The following GPRIN3 variants were observed in gnomAD, a reference collection of about 807,000 sequenced individuals.
The protein encoded by GPRIN3 is G protein-regulated inducer of neurite outgrowth 3.
A neutral mutation model predicts 13.7 loss-of-function variants in GPRIN3; 12 were observed. The ratio of observed to expected loss-of-function variants is 0.87; its 90% CI spans 0.56 to 1.42. GPRIN3 has a LOEUF of 1.42. Ranked by LOEUF, GPRIN3 falls within the 40% of genes most tolerant of loss-of-function variation. The pLI, the probability that GPRIN3 is intolerant of heterozygous loss-of-function variation, is 0.00. For synonymous variants in GPRIN3, 377 were observed against 372.7 expected (o/e 1.01, Z -0.13); for missense variants, 1,009 against 958.7 (o/e 1.05, Z -0.69).
intron 1 of GPRIN3, among the ~76,000 whole-genome samples, chr4:89,251,426 T>C (rs972164654): frequency 2.0e-5 from 3 of 152,198 alleles, no homozygotes; most frequent in African/African-American, 7.2e-5. Flanking sequence ...TTTAAAACTA[T>C]AAATACACAT....
intron 1 of GPRIN3, among the ~76,000 whole-genome samples, chr4:89,305,686 G>A (rs928120523): frequency 6.6e-6 from 1 of 152,202 alleles, no homozygotes; most frequent in Non-Finnish European, 1.5e-5. Flanking sequence ...GTGAAGGATA[G>A]CTGGATCTAA....
intron 1 of GPRIN3, among the ~76,000 whole-genome samples, chr4:89,303,407 A>G (rs533830581): frequency 6.6e-6 from 1 of 152,362 alleles, no homozygotes; most frequent in East Asian, 1.9e-4. Context: ...TTCAACAGTA[A>G]CATTCAACTG....
At position 89,241,720 on chromosome 4, in the gene GPRIN3, G is replaced by C. The variant is rs188944502; in HGVS notation, c.*6060C>G. On this transcript the variant is annotated 3_prime_UTR_variant, in exon 2 of 2. Coordinates refer to ENST00000609438, the MANE Select transcript of GPRIN3 (RefSeq NM_198281.3). ...GAAAACATTAGGAAAAATAAGTTAC[G>C]TAAAGATGTGATCTAAAATAAATGT... 6.6e-6 allele frequency: 1 copy of C among 152,050 alleles called. No individual in the cohort carries two copies. Among genetic ancestry groups the C allele is most frequent in the Non-Finnish European group, 1.5e-5 (1 of 67,996 alleles). 9.4% of individuals were successfully genotyped at this position (152,050 alleles called of 1,614,324 possible).
chr4:89,251,363 T>C (rs1222345578), intron 1 of GPRIN3, among the ~76,000 whole-genome samples: 2 of 152,204 alleles, frequency 1.3e-5, no homozygotes, highest in Non-Finnish European at 2.9e-5. Context: ...TTATTAATTG[T>C]AGGTGCAAAT....
At chr4:89,254,943 T>C (rs542801003) in intron 1 of GPRIN3, among the ~76,000 whole-genome samples, 30 of 152,190 alleles carry the variant, frequency 2.0e-4, no homozygotes, top group Non-Finnish European at 3.5e-4. Context: ...CATTTCCACA[T>C]GGCAACCACT....
At chr4:89,300,955 C>T (rs79094149) in intron 1 of GPRIN3, among the ~76,000 whole-genome samples, 3 of 151,828 alleles carry the variant, frequency 2.0e-5, no homozygotes, top group Admixed American at 2.0e-4. Flanking sequence ...TCATTTTTAC[C>T]TGCATTTTTC....
In GPRIN3 at chr4:89,248,198, A is replaced by T; in HGVS notation, c.1913T>A (p.Val638Asp). The T allele has an allele frequency of 6.8e-6, 11 of 1,614,164 alleles. No homozygotes were observed. Among genetic ancestry groups the T allele is most frequent in the Non-Finnish European group, 9.3e-6 (11 of 1,180,020 alleles). ...CTTTTGCTCCTTGAGGAACTCGCTG[A>T]CGCGGCTGGGCCTGCGTGGGCTGGC... ...VKASPRRPSR[V>D]SEFLKEQKLN... Residue 638 changes from valine to aspartate, a missense_variant, in exon 2 of 2, where the codon GTC becomes GAC. Physicochemically the swap from Val to Asp is radical, Grantham distance 152 (BLOSUM62 -3). Coordinates refer to ENST00000609438, the MANE Select transcript of GPRIN3 (RefSeq NM_198281.3).
At position 89,247,631 on chromosome 4, in the gene GPRIN3, A is replaced by G. The variant is rs1723139346; in HGVS notation, c.*149T>C. On this transcript the variant is annotated 3_prime_UTR_variant, in exon 2 of 2. Transcript: ENST00000609438. Reference sequence around the variant, plus strand: ...TTTTGTTTATAGAGCTCCAGGTCAAAGGATCTAACAATTTTTAATAGCAAT... The same window carrying G: ...TTTTGTTTATAGAGCTCCAGGTCAAGGGATCTAACAATTTTTAATAGCAAT... 1.5e-6 allele frequency: 1 copy of G among 669,684 alleles called. No homozygotes were observed. Among genetic ancestry groups the G allele is most frequent in the Non-Finnish European group, 2.4e-6 (1 of 414,764 alleles). 41.5% of individuals were successfully genotyped at this position (669,684 alleles called of 1,614,324 possible).
rs770451235 is a variant in GPRIN3 at position 89,248,510 on chromosome 4, T to C, written c.1601A>G (p.Asp534Gly). Residue 534 changes from aspartate to glycine, a missense_variant, in exon 2 of 2, where the codon GAT becomes GGT. Physicochemically the swap from Asp to Gly is moderately conservative, Grantham distance 94 (BLOSUM62 -1). Coordinates refer to ENST00000609438, the MANE Select transcript of GPRIN3 (RefSeq NM_198281.3). The part of the protein sequence containing the change: ...SGSLDPTNKG[D>G]AREKKPASPQ... The stretch of plus-strand genomic sequence containing the variant: ...AGATGCAGGCTTCTTTTCCCTTGCA[T>C]CTCCTTTATTAGTGGGATCCAAGCT... 6.8e-6 allele frequency: 11 copies of C among 1,613,008 alleles called. No individual in the cohort carries two copies. Among genetic ancestry groups the C allele is most frequent in the Non-Finnish European group, 9.3e-6 (11 of 1,179,476 alleles).
Position 89,249,069 on chromosome 4 carries a change from G to T in GPRIN3, c.1042C>A (p.Arg348Ser), listed in dbSNP as rs770745079. 7 of 1,614,164 alleles carry T rather than the reference G, an allele frequency of 4.3e-6. No individual in the cohort carries two copies. In the South Asian group the frequency reaches 7.7e-5, roughly 18 times the overall value. ...SILTAFLKES[R>S]APEHFEQEQL... Reference sequence around the variant, plus strand: ...TCTTGTTCAAAATGCTCAGGAGCACGGCTTTCCTTCAGAAATGCAGTGAGG... The same window carrying T: ...TCTTGTTCAAAATGCTCAGGAGCACTGCTTTCCTTCAGAAATGCAGTGAGG... Residue 348 changes from arginine (R) to serine (S), a missense_variant, in exon 2 of 2, where the codon CGT becomes AGT. Physicochemically the swap from Arg to Ser is moderately radical, Grantham distance 110. Transcript: ENST00000609438.
At chr4:89,305,031 A>C (rs776413444) in intron 1 of GPRIN3, among the ~76,000 whole-genome samples, 4 of 152,204 alleles carry the variant, frequency 2.6e-5, no homozygotes, top group Non-Finnish European at 5.9e-5. Flanking sequence ...ATAGATCCTC[A>C]AAATGAATGC....
rs1220538204 is a variant in GPRIN3, at chr4:89,246,963, A to C, written c.*817T>G. On this transcript the variant is annotated 3_prime_UTR_variant, in exon 2 of 2. Transcript: ENST00000609438. ...ATTTGATGGCTCTTTTCAAGAATTC[A>C]GTCCCATGTACTTCCTCTAGGGTAA... The C allele has an allele frequency of 6.6e-6, 1 of 152,198 alleles. No individual in the cohort carries two copies. Among genetic ancestry groups the C allele is most frequent in the East Asian group, 1.9e-4 (1 of 5,198 alleles). 9.4% of individuals were successfully genotyped at this position (152,198 alleles called of 1,614,324 possible).
At chr4:89,253,016 G>GAAA (rs11408492) in intron 1 of GPRIN3, among the ~76,000 whole-genome samples, 2,010 of 124,030 alleles carry the variant, frequency 0.016, 44 homozygotes, top group African/African-American at 0.056. Flanking sequence ...TCTCAAAAAA[G>GAAA]AAAAAAAAAA....
At position 89,303,787 on chromosome 4, in the gene GPRIN3, G is replaced by A. The variant is rs975909777; in HGVS notation, c.-124+3828C>T. On this transcript the variant is annotated intron_variant, in intron 1 of 1. Transcript: ENST00000609438. ...TTTATATATAAAAAATATAAAATAT[G>A]TATATATGTGTATATATAAAAAATA... 2.7e-5 allele frequency among the ~76,000 whole-genome samples: 4 copies of A among 149,010 alleles called. No homozygotes were observed. In the South Asian group the frequency reaches 8.4e-4, roughly 31 times the overall value.
intron 1 of GPRIN3, among the ~76,000 whole-genome samples, chr4:89,257,665 A>G (rs1048091547): frequency 4.6e-5 from 7 of 152,190 alleles, no homozygotes; most frequent in African/African-American, 1.7e-4. Context: ...CACATTGTTA[A>G]CCAGTTTTAC....
At chr4:89,289,186 A>G (rs761003507) in intron 1 of GPRIN3, among the ~76,000 whole-genome samples, 1 of 150,384 alleles carries the variant, frequency 6.6e-6, no homozygotes, top group Non-Finnish European at 1.5e-5. Flanking sequence ...AATTGCTTTC[A>G]AGCCAGGCAT....
chr4:89,258,174 T>C (rs905735547), intron 1 of GPRIN3, among the ~76,000 whole-genome samples: 1 of 151,516 alleles, frequency 6.6e-6, no homozygotes, highest in Non-Finnish European at 1.5e-5. Flanking sequence ...ATAAGCTTTA[T>C]GTGACATAGA....
intron 1 of GPRIN3, among the ~76,000 whole-genome samples, chr4:89,270,261 T>C (rs1192294656): frequency 6.6e-6 from 1 of 151,884 alleles, no homozygotes; most frequent in Non-Finnish European, 1.5e-5. Context: ...TGATGACTTG[T>C]AAGGTTGATA....
intron 1 of GPRIN3, among the ~76,000 whole-genome samples, chr4:89,285,146 C>T (rs1472230938): frequency 6.6e-6 from 1 of 151,364 alleles, no homozygotes; most frequent in East Asian, 2.0e-4. Flanking sequence ...TAGCCACTCT[C>T]ACCCCTTCCC....
Sources: gnomAD v4.1 joint callset for allele counts (sites outside exome capture counted in the v4.1 genomes callset) on GRCh38, gnomAD v4.1.1 for gene constraint, MANE v1.5 for transcripts, NCBI Gene and HGNC (gene_info 2026-07-23, HGNC 2026-07-21) for gene names.